PTPRN2: variants seen among roughly 807,000 people sequenced by gnomAD.
PTPRN2 encodes the protein protein tyrosine phosphatase receptor type N2.
In PTPRN2, 74 loss-of-function variants were observed where a neutral mutation model predicts 118.8. The observed-to-expected ratio is 0.62, with a 90% CI of 0.52 to 0.76. PTPRN2 has a LOEUF of 0.76. Ranked by LOEUF, PTPRN2 falls within the 30% of genes least tolerant of loss-of-function variation. The probability of loss-of-function intolerance (pLI) is 0.00; values close to 1 mark genes in which losing one functional copy is unlikely to be tolerated. For missense variants in PTPRN2, 1,481 were observed against 1,394.4 expected, an observed-to-expected ratio of 1.06 and a Z score of -0.99; for synonymous variants, 641 against 608.0, an observed-to-expected ratio of 1.05 and a Z score of -0.80.
intron 12 of PTPRN2, among the ~76,000 whole-genome samples, chr7:157,840,345 G>GC (rs1362312567): frequency 2.5e-5 from 3 of 120,262 alleles, no homozygotes; most frequent in Admixed American, 1.7e-4. Flanking sequence ...GTGACGTGTG[G>GC]CCGCGTGTGA....
At chr7:158,536,038 A>C (rs1452065876) in intron 1 of PTPRN2, among the ~76,000 whole-genome samples, 2 of 151,534 alleles carry the variant, frequency 1.3e-5, no homozygotes, top group Admixed American at 6.6e-5. Flanking sequence ...CACTCAAAAC[A>C]ACCACACAAA....
intron 12 of PTPRN2, among the ~76,000 whole-genome samples, chr7:157,745,190 C>G (rs1177779630): frequency 6.6e-6 from 1 of 152,194 alleles, no homozygotes; most frequent in Non-Finnish European, 1.5e-5. Flanking sequence ...GGAGCTCGTA[C>G]AGTCAGCAAC....
intron 15 of PTPRN2, among the ~76,000 whole-genome samples, chr7:157,606,157 G>A (rs1036300753): frequency 6.6e-6 from 1 of 152,250 alleles, no homozygotes; most frequent in Non-Finnish European, 1.5e-5. Context: ...CACCTGCTGG[G>A]CTGTGACAGC....
At chr7:157,700,135 G>A (rs527826489) in intron 12 of PTPRN2, among the ~76,000 whole-genome samples, 5 of 152,240 alleles carry the variant, frequency 3.3e-5, no homozygotes, top group South Asian at 2.1e-4. Flanking sequence ...CTAGTCTTAC[G>A]TTTTCTAAGC....
At chr7:157,753,721 T>C (rs1248228793) in intron 12 of PTPRN2, among the ~76,000 whole-genome samples, 1 of 149,134 alleles carries the variant, frequency 6.7e-6, no homozygotes, top group Non-Finnish European at 1.5e-5. Flanking sequence ...TTCTCTACCA[T>C]GTGCCAGGCC....
chr7:158,164,572 C>T (rs1307178942), intron 6 of PTPRN2, among the ~76,000 whole-genome samples: 1 of 152,054 alleles, frequency 6.6e-6, no homozygotes, highest in African/African-American at 2.4e-5. Flanking sequence ...GCACGCAGAG[C>T]AGGAATGCGT....
chr7:157,655,839 C>T (rs1285504076), intron 14 of PTPRN2, among the ~76,000 whole-genome samples: 4 of 152,226 alleles, frequency 2.6e-5, no homozygotes, highest in East Asian at 3.9e-4. Flanking sequence ...TGGAAAAGGC[C>T]GCTGAAGCCG....
Position 158,380,533 on chromosome 7 carries a change from C to T in PTPRN2, c.164-63601G>A, listed in dbSNP as rs147495676. On this transcript the variant is annotated intron_variant, in intron 2 of 22. Coordinates refer to ENST00000389418, the MANE Select transcript of PTPRN2 (RefSeq NM_002847.5). ...GTTCTCATGGTCTTGGGCAACTCTG[C>T]CCCTGTGGCTTTGCAGAGTAAAGCC... Among the ~76,000 whole-genome samples the T allele has an allele frequency of 7.9e-5, 12 of 152,322 alleles. No homozygotes were observed. In the East Asian group the frequency reaches 1.9e-3, roughly 25 times the overall value.
At chr7:158,086,925 G>A (rs966559607) in intron 10 of PTPRN2, among the ~76,000 whole-genome samples, 9 of 152,194 alleles carry the variant, frequency 5.9e-5, no homozygotes, top group African/African-American at 2.2e-4. Flanking sequence ...ATACTGTAGA[G>A]AGGATGGGAG....
At chr7:158,463,360 T>G (rs538092501) in intron 2 of PTPRN2, among the ~76,000 whole-genome samples, 2 of 152,114 alleles carry the variant, frequency 1.3e-5, no homozygotes, top group East Asian at 3.9e-4. Flanking sequence ...ATCATCACCA[T>G]CACCATCAGC....
chr7:157,782,351 G>A (rs916927499), intron 12 of PTPRN2, among the ~76,000 whole-genome samples: 3 of 152,264 alleles, frequency 2.0e-5, no homozygotes, highest in Non-Finnish European at 2.9e-5. Flanking sequence ...GATGCATGCA[G>A]TGCCAGGCGG....
At chr7:158,058,072 T>A (rs1004315017) in intron 11 of PTPRN2, among the ~76,000 whole-genome samples, 1 of 152,182 alleles carries the variant, frequency 6.6e-6, no homozygotes, top group South Asian at 2.1e-4. Context: ...TAAAGAAGAG[T>A]TTTCTTTTCT....
intron 11 of PTPRN2, among the ~76,000 whole-genome samples, chr7:158,063,553 C>T (rs572011454): frequency 6.6e-6 from 1 of 152,322 alleles, no homozygotes; most frequent in African/African-American, 2.4e-5. Flanking sequence ...AAGCTTTGTT[C>T]TTCTGCTCTT....
At chr7:157,837,450 G>A (rs1325455039) in intron 12 of PTPRN2, among the ~76,000 whole-genome samples, 1 of 151,506 alleles carries the variant, frequency 6.6e-6, no homozygotes, top group African/African-American at 2.4e-5. Context: ...AGAGGTGGTG[G>A]AGGGGGGAGG....
chr7:158,523,606 G>C lies in PTPRN2; in HGVS notation c.113-33821C>G, dbSNP rs547121857. Among the ~76,000 whole-genome samples the C allele has an allele frequency of 3.4e-5, 4 of 117,800 alleles. 1 individual carries two copies. The highest frequency in any genetic ancestry group is 6.7e-5 in the Non-Finnish European group (4 of 59,580). The allele number at this position is 117,800 out of a possible 152,430, so 77.3% of individuals were successfully genotyped here. Reference sequence around the variant, plus strand: ...GAGTGGAGTCATCTGCCCTGGAGCAGAGTCTGCCCTGGAGTGGAGTCATCT... The same window carrying C: ...GAGTGGAGTCATCTGCCCTGGAGCACAGTCTGCCCTGGAGTGGAGTCATCT... On this transcript the variant is annotated intron_variant, in intron 1 of 22. Coordinates refer to ENST00000389418, the MANE Select transcript of PTPRN2 (RefSeq NM_002847.5).
intron 2 of PTPRN2, among the ~76,000 whole-genome samples, chr7:158,328,451 G>C (rs532207808): frequency 7.5e-4 from 115 of 152,372 alleles, no homozygotes; most frequent in African/African-American, 2.7e-3. Context: ...GCCACTGACA[G>C]GCAGCAGAAG....
intron 11 of PTPRN2, among the ~76,000 whole-genome samples, chr7:157,910,463 G>A (rs1043569229): frequency 7.0e-6 from 1 of 143,634 alleles, no homozygotes; most frequent in Non-Finnish European, 1.5e-5. Context: ...GCCGGATCAC[G>A]CACGTACGCC....
Position 157,874,676 on chromosome 7 carries a change from T to C in PTPRN2, c.1788+23997A>G, listed in dbSNP as rs1795606792. 6.6e-6 allele frequency among the ~76,000 whole-genome samples: 1 copy of C among 152,082 alleles called. No individual in the cohort carries two copies. Among genetic ancestry groups the C allele is most frequent in the South Asian group, 2.1e-4 (1 of 4,828 alleles). The stretch of plus-strand genomic sequence containing the variant: ...CCAGCAGCACAAGGCAGGGGTTTGC[T>C]TGCAGGTAGCAAAGTAACCCAAGCA... On this transcript the variant is annotated intron_variant, in intron 12 of 22. Coordinates refer to ENST00000389418, the MANE Select transcript of PTPRN2 (RefSeq NM_002847.5). This position sits in a 1 kb window ranked among gnomAD's most constrained non-coding sequence, Gnocchi z 5.8.
chr7:158,396,433 CATGA>C (rs1411505760), intron 2 of PTPRN2, among the ~76,000 whole-genome samples: 5 of 152,108 alleles, frequency 3.3e-5, no homozygotes, highest in South Asian at 2.1e-4. Context: ...CGTGTGTGTG[CATGA>C]ATGTGTCACG....
Sources: gnomAD v4.1 joint callset for allele counts (sites outside exome capture counted in the v4.1 genomes callset) on GRCh38, gnomAD v4.1.1 for gene constraint, Gnocchi (gnomAD v3.1) non-coding constraint, MANE v1.5 for transcripts, NCBI Gene and HGNC (gene_info 2026-07-23, HGNC 2026-07-21) for gene names.